Variants in ENOX2 observed in about 807,000 individuals in gnomAD.
ENOX2 encodes APK1 antigen.
In ENOX2, 36 loss-of-function variants were observed where a neutral mutation model predicts 45.0. The ratio of observed to expected loss-of-function variants is 0.80; its 90% CI spans 0.61 to 1.06. The LOEUF (loss-of-function observed/expected upper bound fraction) is 1.06. ENOX2 is among the 50% of genes least tolerant of loss of function. The pLI, the probability that ENOX2 is intolerant of heterozygous loss-of-function variation, is 0.00. For synonymous variants in ENOX2, 174 were observed against 152.3 expected (o/e 1.14, Z -1.05); for missense variants, 423 against 462.5 (o/e 0.91, Z 0.78).
chrX:130,782,145 C>A (rs183603313), intron 3 of ENOX2, among the ~76,000 whole-genome samples: 1 of 111,096 alleles, frequency 9.0e-6, no homozygotes, highest in Non-Finnish European at 1.9e-5. Context: ...ACTCATAATG[C>A]TTAACCTAAA....
chrX:130,628,901 T>A (rs1569475579), intron 13 of ENOX2, among the ~76,000 whole-genome samples: 1 of 111,277 alleles, frequency 9.0e-6, no homozygotes, highest in Non-Finnish European at 1.9e-5. Context: ...TCTTTCAATT[T>A]TTTTTTTTTT....
At chrX:130,790,453 C>G (rs1050487046) in intron 2 of ENOX2, among the ~76,000 whole-genome samples, 1 of 112,357 alleles carries the variant, frequency 8.9e-6, no homozygotes, top group African/African-American at 3.2e-5. Context: ...TAATACTTCT[C>G]AAACTTTTTA....
intron 2 of ENOX2, among the ~76,000 whole-genome samples, chrX:130,870,806 T>A (rs1264893668): frequency 9.1e-6 from 1 of 110,074 alleles, no homozygotes; most frequent in African/African-American, 3.3e-5. Flanking sequence ...AACCTTTTTC[T>A]GTGTGTTTTA....
At chrX:130,713,494 C>T (rs1025295316) in intron 3 of ENOX2, among the ~76,000 whole-genome samples, 1 of 111,756 alleles carries the variant, frequency 8.9e-6, no homozygotes, top group Non-Finnish European at 1.9e-5. Context: ...AGGGCTGCCT[C>T]AGCTACTAAG....
intron 3 of ENOX2, among the ~76,000 whole-genome samples, chrX:130,767,920 G>A (rs895784665): frequency 1.8e-5 from 2 of 111,656 alleles, no homozygotes; most frequent in African/African-American, 3.3e-5. Context: ...GTTAAGAGGA[G>A]GAGGATATTT....
At chrX:130,779,140 T>C (rs1246129367) in intron 3 of ENOX2, among the ~76,000 whole-genome samples, 1 of 112,427 alleles carries the variant, frequency 8.9e-6, no homozygotes, top group Non-Finnish European at 1.9e-5. Flanking sequence ...CATTGTGATT[T>C]TACATGGGTT....
intron 6 of ENOX2, among the ~76,000 whole-genome samples, chrX:130,671,221 G>A (rs1163598355): frequency 9.0e-6 from 1 of 111,714 alleles, no homozygotes; most frequent in Non-Finnish European, 1.9e-5. Context: ...ATAGAGTAAC[G>A]GGTTAGATTT....
intron 3 of ENOX2, among the ~76,000 whole-genome samples, chrX:130,712,628 A>G (rs1185299331): frequency 9.0e-6 from 1 of 111,393 alleles, no homozygotes; most frequent in Non-Finnish European, 1.9e-5. Flanking sequence ...CCACACATGC[A>G]GGCAGCTTAC....
intron 6 of ENOX2, among the ~76,000 whole-genome samples, 162 bp from the exon 7 acceptor site, chrX:130,670,360 A>C (rs1229341792): frequency 1.8e-5 from 2 of 111,831 alleles, no homozygotes; most frequent in Admixed American, 9.4e-5. Context: ...AAGTGACCAC[A>C]CAACTCCAAA....
Position 130,881,871 on chromosome X carries a change from C to T in ENOX2, c.-183+19813G>A, listed in dbSNP as rs377580485. ...CATCCAGCTTCAGAAACTCATGCTT[C>T]GGAACAGCTCGGAACCTTTAGCTAG... On this transcript the variant is annotated intron_variant, in intron 2 of 14. Transcript: ENST00000394363. 7.7e-4 allele frequency among the ~76,000 whole-genome samples: 86 copies of T among 111,678 alleles called. No homozygotes were observed. The South Asian group carries it at 0.011, about 14-fold the overall frequency.
intron 2 of ENOX2, among the ~76,000 whole-genome samples, chrX:130,873,831 G>A (rs944940586): frequency 7.4e-5 from 8 of 108,828 alleles, no homozygotes; most frequent in African/African-American, 2.4e-4. Context: ...ACTCATAAGT[G>A]AGAGTGGAAC....
At chrX:130,818,384 A>C (rs1000928536) in intron 2 of ENOX2, among the ~76,000 whole-genome samples, 2 of 111,908 alleles carry the variant, frequency 1.8e-5, no homozygotes, top group African/African-American at 6.5e-5. Context: ...TTCTGCATGG[A>C]ATTAGAAAAA....
At chrX:130,673,382 T>G (rs1416412801) in intron 6 of ENOX2, among the ~76,000 whole-genome samples, 1 of 108,956 alleles carries the variant, frequency 9.2e-6, no homozygotes, top group Non-Finnish European at 1.9e-5. Flanking sequence ...AAATATGGAT[T>G]GTAAGGAAGC....
rs191004014 is a variant in ENOX2 at position 130,642,461 on chromosome X, A to C, written c.1130-5051T>G. Among the ~76,000 whole-genome samples the C allele has an allele frequency of 2.6e-4, 29 of 112,637 alleles. No homozygotes were observed. In the East Asian group the frequency reaches 8.0e-3, roughly 31 times the overall value. ...GTGAACATTGTTGAAATGACAAAAA[A>C]GGATTTAGAATATTTCATAAATTCA... On this transcript the variant is annotated intron_variant, in intron 10 of 14. Coordinates refer to ENST00000394363, the MANE Select transcript of ENOX2 (RefSeq NM_006375.4).
At chrX:130,662,258 A>T (rs1368348212) in intron 9 of ENOX2, among the ~76,000 whole-genome samples, 3 of 112,270 alleles carry the variant, frequency 2.7e-5, no homozygotes, top group Non-Finnish European at 5.6e-5. Context: ...TTTGCTTGAC[A>T]TATGCTACCA....
At position 130,730,427 on chromosome X, in the gene ENOX2, T is replaced by C. The variant is rs2038709532; in HGVS notation, c.-38-27173A>G. Reference sequence around the variant, plus strand: ...TTGCTGCCATTATAATGATTGTAGATTAGAGCACTAGTTTTTACCCAGGGT... The same window carrying C: ...TTGCTGCCATTATAATGATTGTAGACTAGAGCACTAGTTTTTACCCAGGGT... On this transcript the variant is annotated intron_variant, in intron 3 of 14. Transcript: ENST00000394363. Among the ~76,000 whole-genome samples the C allele has an allele frequency of 2.7e-5, 3 of 112,365 alleles. No individual in the cohort carries two copies. In the Admixed American group the frequency reaches 2.8e-4, roughly 11 times the overall value.
intron 2 of ENOX2, among the ~76,000 whole-genome samples, chrX:130,803,058 CCTT>C (rs1371302589): frequency 9.0e-6 from 1 of 111,515 alleles, no homozygotes; most frequent in Non-Finnish European, 1.9e-5. Context: ...TTTCTAGACT[CCTT>C]CTAAAATGTA....
At chrX:130,688,181 A>C (rs954233924) in intron 5 of ENOX2, among the ~76,000 whole-genome samples, 1 of 112,173 alleles carries the variant, frequency 8.9e-6, no homozygotes, top group African/African-American at 3.2e-5. Context: ...CTGGAAAAAA[A>C]GTTTTAGTCA....
chrX:130,635,566 A>C (rs1421406410), intron 11 of ENOX2, among the ~76,000 whole-genome samples: 1 of 112,416 alleles, frequency 8.9e-6, no homozygotes, highest in Non-Finnish European at 1.9e-5. Flanking sequence ...AGCATTATTA[A>C]TAATTTCAAC....
Sources: allele counts gnomAD v4.1 joint callset (sites outside exome capture counted in the v4.1 genomes callset), GRCh38; gene constraint gnomAD v4.1.1; transcripts MANE v1.5; gene names NCBI Gene and HGNC (gene_info 2026-07-23, HGNC 2026-07-21).